PPP2R3B: variants seen among roughly 807,000 people sequenced by gnomAD.
PPP2R3B encodes the protein serine/threonine-protein phosphatase 2A regulatory subunit B'' subunit beta.
In PPP2R3B, 68 loss-of-function variants were observed where a neutral mutation model predicts 72.9. The observed-to-expected ratio is 0.93, with a 90% CI of 0.77 to 1.14. The LOEUF (loss-of-function observed/expected upper bound fraction) is 1.14, where lower values mean the gene tolerates loss of function less well. Ranked by LOEUF, PPP2R3B falls within the 50% of genes most tolerant of loss-of-function variation. PPP2R3B has a pLI of 0.00. For missense variants in PPP2R3B, 1,018 were observed against 842.0 expected (o/e 1.21, Z -2.59); for synonymous variants, 466 against 375.8 (o/e 1.24, Z -2.78).
At position 367,710 on chromosome X, in the gene PPP2R3B, C is replaced by T. The variant is rs138339603; in HGVS notation, c.325-6120G>A. ...CATCACACGGATGAGCAGGCAACAT[C>T]GACCTCAATGCACCGAGTGCTCTAG... On this transcript the variant is annotated intron_variant, in intron 1 of 12. Transcript: ENST00000390665. Among the ~76,000 whole-genome samples, 643 of 152,318 alleles carry T rather than the reference C, an allele frequency of 4.2e-3. 8 individuals are homozygous for T. The highest frequency in any genetic ancestry group is 0.015 in the African/African-American group (604 of 41,562).
intron 2 of PPP2R3B, among the ~76,000 whole-genome samples, chrX:354,858 A>C (rs868615087): frequency 4.6e-5 from 7 of 152,210 alleles, no homozygotes; most frequent in African/African-American, 1.4e-4. Flanking sequence ...CTCAAAAAAA[A>C]CACAAGAGCT....
intron 2 of PPP2R3B, chrX:347,950 C>T (rs2071258190): frequency 4.6e-6 from 2 of 439,468 alleles, no homozygotes; most frequent in Non-Finnish European, 8.0e-6. Flanking sequence ...GCACTGTAAC[C>T]AGAGGCGGCT....
At chrX:341,536 T>A in intron 8 of PPP2R3B, 140 bp from the exon 9 acceptor site, 1 of 868,078 alleles carries the variant, frequency 1.2e-6, no homozygotes, top group Non-Finnish European at 1.9e-6. Flanking sequence ...CCCCTCCTCC[T>A]GCCTCTCCGG....
intron 1 of PPP2R3B, among the ~76,000 whole-genome samples, chrX:363,516 G>GATCCCACAGTGCATCTCCATGAGTCCA: frequency 3.1e-4 from 1 of 3,254 alleles, no homozygotes; most frequent in South Asian, 8.8e-3. Flanking sequence ...CCCCGAGCCC[G>GATCCCACAGTGCATCTCCATGAGTCCA]CGATCCCGCA....
intron 12 of PPP2R3B, chrX:338,270 G>A (rs1240777068): frequency 8.3e-6 from 4 of 481,680 alleles, no homozygotes; most frequent in Non-Finnish European, 1.5e-5. Context: ...TGCCCAGCAG[G>A]TGCCAGCCGT....
In PPP2R3B at chrX:352,795, G is replaced by A. The variant is rs759863985; in HGVS notation, c.511-5102C>T. ...ACCACGGCCGGCAAGTTCAGCACGC[G>A]TTCCTCGGCGGGTGACGGGACAAGA... On this transcript the variant is annotated intron_variant, in intron 2 of 12. Coordinates refer to ENST00000390665, the MANE Select transcript of PPP2R3B (RefSeq NM_013239.5). Among the ~76,000 whole-genome samples the A allele has an allele frequency of 5.9e-5, 9 of 151,870 alleles. No homozygotes were observed. In the East Asian group the frequency reaches 7.8e-4, roughly 13 times the overall value.
intron 1 of PPP2R3B, among the ~76,000 whole-genome samples, chrX:364,226 C>T (rs757709439): frequency 2.8e-4 from 43 of 152,310 alleles, no homozygotes; most frequent in African/African-American, 6.5e-4. Context: ...AAATCCCCAG[C>T]GCGCCTCCGG....
chrX:367,986 G>C (rs1262075521), intron 1 of PPP2R3B, among the ~76,000 whole-genome samples: 1 of 152,200 alleles, frequency 6.6e-6, no homozygotes, highest in African/African-American at 2.4e-5. Flanking sequence ...AGGTCAGTCA[G>C]GGGAAGACAG....
intron 12 of PPP2R3B, chrX:334,963 G>A (rs763094606): frequency 6.2e-5 from 10 of 162,310 alleles, no homozygotes; most frequent in East Asian, 3.5e-4. Context: ...GCAGCAGTGC[G>A]AGGACTGGAC....
At chrX:336,634 G>C (rs2070896405) in intron 12 of PPP2R3B, 1 of 152,232 alleles carries the variant, frequency 6.6e-6, no homozygotes, top group African/African-American at 2.4e-5. Context: ...TGTCCACGCA[G>C]AAAACCCCAA....
In PPP2R3B at chrX:334,293, T is replaced by G. The variant is rs997829056; in HGVS notation, c.*74A>C. ...CAAACGCACTCATTTTCCACAACAG[T>G]TTTTACACGAGCCGCGGTGGCCCGG... is the stretch of plus-strand genomic sequence containing the variant. On this transcript the variant is annotated 3_prime_UTR_variant, in exon 13 of 13. Transcript: ENST00000390665. 7.2e-7 allele frequency: 1 copy of G among 1,396,292 alleles called. No homozygotes were observed. Among genetic ancestry groups the G allele is most frequent in the Admixed American group, 2.9e-5 (1 of 34,662 alleles). The allele number at this position is 1,396,292 out of a possible 1,614,324, so 86.5% of individuals were successfully genotyped here.
chrX:379,268 T>C (rs1463274731), intron 1 of PPP2R3B, among the ~76,000 whole-genome samples: 3 of 151,522 alleles, frequency 2.0e-5, no homozygotes, highest in East Asian at 3.9e-4. Flanking sequence ...GACCTATGTA[T>C]GTGTATGCAC....
chrX:367,961 C>T (rs2124306329), intron 1 of PPP2R3B, among the ~76,000 whole-genome samples: 1 of 152,342 alleles, frequency 6.6e-6, no homozygotes, highest in African/African-American at 2.4e-5. Flanking sequence ...GACAGGCCAC[C>T]AAGGAACGCT....
chrX:346,079 G>GGGGAGGA, intron 6 of PPP2R3B, 95 bp downstream of exon 6: 5 of 586,292 alleles, frequency 8.5e-6, no homozygotes, highest in Non-Finnish European at 1.1e-5. Context: ...GGGGGTGGGA[G>GGGGAGGA]GGGAGGAGGG....
At chrX:343,758 T>G (rs368057747) in intron 7 of PPP2R3B, among the ~76,000 whole-genome samples, 40 of 18,802 alleles carry the variant, frequency 2.1e-3, no homozygotes, top group African/African-American at 3.5e-3. Flanking sequence ...GACGCGGGAG[T>G]GAGACCTCAG....
intron 1 of PPP2R3B, among the ~76,000 whole-genome samples, chrX:377,841 G>A (rs1282939201): frequency 1.7e-5 from 2 of 120,960 alleles, no homozygotes; most frequent in African/African-American, 3.9e-5. Flanking sequence ...ATGCAGGGAC[G>A]GGCCGTCCAC....
At chrX:382,006 G>A (rs1343754947) in intron 1 of PPP2R3B, among the ~76,000 whole-genome samples, 1 of 151,988 alleles carries the variant, frequency 6.6e-6, no homozygotes, top group East Asian at 1.9e-4. Context: ...ACATGTTTAA[G>A]GTAAACTTTT....
chrX:371,154 T>G (rs991039197), intron 1 of PPP2R3B, among the ~76,000 whole-genome samples: 1 of 151,964 alleles, frequency 6.6e-6, no homozygotes, highest in African/African-American at 2.4e-5. Flanking sequence ...GCGCAGGCAG[T>G]GGCTCCGGCA....
chrX:385,481 G>A (rs984377692), intron 1 of PPP2R3B, among the ~76,000 whole-genome samples: 2 of 151,528 alleles, frequency 1.3e-5, no homozygotes, highest in Admixed American at 6.6e-5. Context: ...TCTCACCTGC[G>A]GTGTATAATC....
Sources: allele counts gnomAD v4.1 joint callset (sites outside exome capture counted in the v4.1 genomes callset), GRCh38; gene constraint gnomAD v4.1.1; transcripts MANE v1.5; gene names NCBI Gene and HGNC (gene_info 2026-07-23, HGNC 2026-07-21).